The following ATP11A variants were observed in gnomAD, a reference collection of about 807,000 sequenced individuals.
The protein encoded by ATP11A is phospholipid-transporting ATPase IH.
In ATP11A, 81 loss-of-function variants were observed where a neutral mutation model predicts 154.4. That is an observed-to-expected ratio of 0.52 (90% CI 0.44 to 0.63). The LOEUF (loss-of-function observed/expected upper bound fraction) is 0.63, where lower values mean the gene tolerates loss of function less well. Ranked by LOEUF, ATP11A falls within the 30% of genes least tolerant of loss-of-function variation. The pLI, the probability that ATP11A is intolerant of heterozygous loss-of-function variation, is 0.00. For missense variants in ATP11A, 1,316 were observed against 1,474.3 expected (o/e 0.89, Z 1.76); for synonymous variants, 623 against 585.9 (o/e 1.06, Z -0.91).
intron 1 of ATP11A, among the ~76,000 whole-genome samples, chr13:112,713,804 C>A (rs551880201): frequency 6.6e-6 from 1 of 152,022 alleles, no homozygotes; most frequent in Non-Finnish European, 1.5e-5. Flanking sequence ...GGAAAAAGGC[C>A]GAGGATGCTG....
intron 20 of ATP11A, among the ~76,000 whole-genome samples, chr13:112,857,033 T>G (rs1176994825): frequency 2.0e-5 from 3 of 152,230 alleles, no homozygotes; most frequent in Admixed American, 6.5e-5. Flanking sequence ...CTTACAGAAT[T>G]ACTTCCCAAA....
intron 2 of ATP11A, among the ~76,000 whole-genome samples, chr13:112,787,899 CAT>C (rs1170163998): frequency 3.5e-5 from 5 of 142,142 alleles, no homozygotes; most frequent in East Asian, 2.3e-4. Context: ...CCAGTGTCCT[CAT>C]GTGTAGACCC....
chr13:112,819,965 G>T lies in ATP11A; in HGVS notation c.725+15G>T, dbSNP rs368360214. The T allele has an allele frequency of 6.3e-7, 1 of 1,575,726 alleles. No homozygotes were observed. Among genetic ancestry groups the T allele is most frequent in the Admixed American group, 1.9e-5 (1 of 53,992 alleles). On this transcript the variant is annotated intron_variant, in intron 8 of 29. Transcript: ENST00000375645. Reference sequence around the variant, plus strand: ...CCCGTGGTGAGGTGAGTGCCTCTGCGGATGCCTTGGCCACGGTCACCTCCC... The same window carrying T: ...CCCGTGGTGAGGTGAGTGCCTCTGCTGATGCCTTGGCCACGGTCACCTCCC...
rs140667045 is a variant in ATP11A at position 112,844,640 on chromosome 13, G to A, written c.1809+2261G>A. On this transcript the variant is annotated intron_variant, in intron 17 of 29. Transcript: ENST00000375645. ...CTCCCATAACTGCTGAGACTCGGCCGTGTGGGCCCGTTCATTTCTGTCGTG... is the reference window on the plus strand; with the variant it reads ...CTCCCATAACTGCTGAGACTCGGCCATGTGGGCCCGTTCATTTCTGTCGTG... Among the ~76,000 whole-genome samples the A allele has an allele frequency of 4.2e-4, 64 of 152,306 alleles. No homozygotes were observed. The East Asian group carries it at 7.5e-3, about 18-fold the overall frequency.
At chr13:112,709,419 C>T (rs1249762341) in intron 1 of ATP11A, among the ~76,000 whole-genome samples, 1 of 152,206 alleles carries the variant, frequency 6.6e-6, no homozygotes, top group African/African-American at 2.4e-5. Context: ...CCTTTGTTTT[C>T]CTTCTTTCCT....
chr13:112,756,206 A>T (rs112917079), intron 1 of ATP11A, among the ~76,000 whole-genome samples: 391 of 152,350 alleles, frequency 2.6e-3, no homozygotes, highest in African/African-American at 8.2e-3. Flanking sequence ...ATTAAATAAA[A>T]CTTAGTCTGT....
Position 112,808,853 on chromosome 13 carries a change from T to G in ATP11A, c.334-1766T>G, listed in dbSNP as rs572296146. Among the ~76,000 whole-genome samples the G allele has an allele frequency of 3.9e-4, 59 of 152,216 alleles. No homozygotes were observed. The South Asian group carries it at 7.9e-3, about 20-fold the overall frequency. On this transcript the variant is annotated intron_variant, in intron 4 of 29. Coordinates refer to ENST00000375645, the MANE Select transcript of ATP11A (RefSeq NM_015205.3). The stretch of plus-strand genomic sequence containing the variant: ...GTGCAGGGCCCCTCCGATCAGCCCA[T>G]CACATGCATGGGCCTCCACGTGTCC...
intron 25 of ATP11A, among the ~76,000 whole-genome samples, chr13:112,864,543 C>G (rs377551478): frequency 2.9e-5 from 2 of 68,038 alleles, no homozygotes; most frequent in Non-Finnish European, 2.8e-5. Flanking sequence ...TCACCACCTG[C>G]GCAGTAATTC....
rs771280681 is a variant in ATP11A at position 112,858,139 on chromosome 13, T to C, written c.2522-6T>C. 4.3e-6 allele frequency: 7 copies of C among 1,613,118 alleles called. No homozygotes were observed. The African/African-American group carries it at 5.3e-5, about 12-fold the overall frequency. ...TTTCTTCAGCTCCTTCACCTCCGTC[T>C]TCTAGGTGTCATCGGCAAGGAAGGC... On this transcript the variant is annotated splice_polypyrimidine_tract_variant and splice_region_variant and intron_variant, in intron 21 of 29. Coordinates refer to ENST00000375645, the MANE Select transcript of ATP11A (RefSeq NM_015205.3).
chr13:112,783,490 G>C (rs1319399732), intron 1 of ATP11A, among the ~76,000 whole-genome samples: 2 of 152,250 alleles, frequency 1.3e-5, no homozygotes, highest in Admixed American at 6.5e-5. Flanking sequence ...GCGGGAAACT[G>C]TCCCCGTGCC....
intron 29 of ATP11A, chr13:112,881,044 GT>G: frequency 4.0e-6 from 4 of 988,572 alleles, no homozygotes; most frequent in Non-Finnish European, 4.8e-6. Context: ...GCCCAGGCAG[GT>G]GTGAGTGCAG....
At chr13:112,787,074 C>T (rs1765866) in intron 2 of ATP11A, among the ~76,000 whole-genome samples, 351 of 90,778 alleles carry the variant, frequency 3.9e-3, no homozygotes, top group African/African-American at 0.013. Context: ...TGTCCTGATG[C>T]GTAGACCCCT....
intron 1 of ATP11A, among the ~76,000 whole-genome samples, chr13:112,729,162 G>A (rs1890215887): frequency 6.6e-6 from 1 of 152,208 alleles, no homozygotes; most frequent in South Asian, 2.1e-4. Context: ...ATTTCTGTTA[G>A]CGTATCATCC....
chr13:112,750,977 C>T (rs2076677430), intron 1 of ATP11A, among the ~76,000 whole-genome samples: 1 of 152,236 alleles, frequency 6.6e-6, no homozygotes, highest in South Asian at 2.1e-4. Context: ...TCATGAGGTA[C>T]AATAGCATTA....
At chr13:112,778,820 AGTGAGGAGTAGCCG>A (rs1372457762) in intron 1 of ATP11A, among the ~76,000 whole-genome samples, 3 of 55,892 alleles carry the variant, frequency 5.4e-5, no homozygotes, top group East Asian at 1.2e-3. Context: ...TAGCCGCTGG[AGTGAGGAGTAGCCG>A]CTGGAGTGAG....
At chr13:112,880,922 C>G (rs1368233578) in intron 29 of ATP11A, 1 of 993,902 alleles carries the variant, frequency 1.0e-6, no homozygotes, top group East Asian at 1.1e-4. Flanking sequence ...TCGTCAGACA[C>G]AGGCTCACGA....
chr13:112,705,464 C>T (rs1594348863), intron 1 of ATP11A, among the ~76,000 whole-genome samples: 3 of 139,114 alleles, frequency 2.2e-5, no homozygotes, highest in Middle Eastern at 7.2e-3. Context: ...GAGGTACAGG[C>T]GCCCCAGCTC....
intron 2 of ATP11A, among the ~76,000 whole-genome samples, chr13:112,797,303 AAAG>A (rs1255442854): frequency 6.6e-6 from 1 of 151,226 alleles, no homozygotes; most frequent in Non-Finnish European, 1.5e-5. Flanking sequence ...AAAAAAAAAA[AAAG>A]GTAAACCATA....
At chr13:112,740,770 A>G (rs1021865848) in intron 1 of ATP11A, among the ~76,000 whole-genome samples, 1 of 152,178 alleles carries the variant, frequency 6.6e-6, no homozygotes, top group Non-Finnish European at 1.5e-5. Context: ...TGTAACATCC[A>G]GAGAAGCTTC....
Sources: gnomAD v4.1 joint callset for allele counts (sites outside exome capture counted in the v4.1 genomes callset) on GRCh38, gnomAD v4.1.1 for gene constraint, MANE v1.5 for transcripts, NCBI Gene and HGNC (gene_info 2026-07-23, HGNC 2026-07-21) for gene names.